SPHKAP: variants seen among roughly 807,000 people sequenced by gnomAD.
The protein encoded by SPHKAP is SPHK1 interactor, AKAP domain containing, also known as A-kinase anchor protein SPHKAP.
A neutral mutation model predicts 137.5 loss-of-function variants in SPHKAP; 67 were observed. The observed-to-expected ratio is 0.49, with a 90% CI of 0.40 to 0.60. SPHKAP has a LOEUF of 0.60. Among genes scored for constraint, SPHKAP ranks in the 20% least tolerant of loss-of-function variants. The probability of loss-of-function intolerance (pLI) is 0.00; values close to 1 mark genes in which losing one functional copy is unlikely to be tolerated. For synonymous variants in SPHKAP, 813 were observed against 785.3 expected (o/e 1.04, Z -0.59); for missense variants, 2,097 against 2,069.3 (o/e 1.01, Z -0.26).
At chr2:228,015,405 A>T (rs542828669) in intron 7 of SPHKAP, among the ~76,000 whole-genome samples, 4 of 151,988 alleles carry the variant, frequency 2.6e-5, no homozygotes, top group Non-Finnish European at 5.9e-5. Flanking sequence ...TCTTTATAGC[A>T]GCATGATTTA....
chr2:227,986,945 G>A (rs1156852607), intron 11 of SPHKAP, among the ~76,000 whole-genome samples: 1 of 152,144 alleles, frequency 6.6e-6, no homozygotes, highest in Non-Finnish European at 1.5e-5. Context: ...ATTGGCCTTG[G>A]ATTAATTACA....
intron 1 of SPHKAP, among the ~76,000 whole-genome samples, chr2:228,153,128 T>C (rs896013380): frequency 4.6e-5 from 7 of 152,108 alleles, no homozygotes; most frequent in African/African-American, 9.7e-5. Context: ...GAACTGTGAG[T>C]CAATTAAACC....
chr2:228,096,658 G>C (rs1430923331), intron 3 of SPHKAP, among the ~76,000 whole-genome samples: 1 of 146,484 alleles, frequency 6.8e-6, no homozygotes, highest in South Asian at 2.1e-4. Context: ...GTGTGTGTGT[G>C]TGTGTGTGTC....
At chr2:228,135,122 A>G (rs556699605) in intron 1 of SPHKAP, among the ~76,000 whole-genome samples, 6 of 152,158 alleles carry the variant, frequency 3.9e-5, no homozygotes, top group Non-Finnish European at 7.4e-5. Flanking sequence ...TAAAAATACA[A>G]AATTAGCCGG....
chr2:228,092,323 GTACACACACACGTGTATGTGTGTGTATA>G (rs1697797910), intron 3 of SPHKAP, among the ~76,000 whole-genome samples: 1 of 102,234 alleles, frequency 9.8e-6, no homozygotes, highest in Admixed American at 1.1e-4. Flanking sequence ...GTGTGTATAC[GTACACACACACGTGTATGTGTGTGTATA>G]CATATATACA....
chr2:228,025,314 ATC>A (rs1308490150), intron 5 of SPHKAP, 78 bp downstream of exon 5: 1 of 1,368,180 alleles, frequency 7.3e-7, no homozygotes, highest in South Asian at 1.6e-5. Context: ...TATGTGTAGC[ATC>A]TGTTTGGGGT....
At chr2:228,092,273 A>G (rs1003711960) in intron 3 of SPHKAP, among the ~76,000 whole-genome samples, 2 of 143,836 alleles carry the variant, frequency 1.4e-5, no homozygotes, top group African/African-American at 5.2e-5. Flanking sequence ...GTACACACAC[A>G]CGTGTATGTG....
chr2:228,014,510 G>A (rs1048068692), intron 7 of SPHKAP, among the ~76,000 whole-genome samples: 1 of 152,134 alleles, frequency 6.6e-6, no homozygotes, highest in Non-Finnish European at 1.5e-5. Flanking sequence ...TTAGCTTTGT[G>A]TTCTTTTGCT....
Position 228,018,895 on chromosome 2 carries a change from C to T in SPHKAP, c.1959G>A (p.Lys653=), listed in dbSNP as rs1326276407. 2.5e-6 allele frequency: 4 copies of T among 1,614,062 alleles called. No individual in the cohort carries two copies. The highest frequency in any genetic ancestry group is 3.4e-6 in the Non-Finnish European group (4 of 1,180,030). The change falls in exon 7 of 12, where the codon AAG becomes AAA. Residue 653 remains lysine (K), a synonymous_variant. Transcript: ENST00000392056. ...CATTTTCTGAGCACAGGGTCTGAGA[C>T]TTTGAAGCAGTTTCCATGATTCTCC... The part of the protein sequence containing the change: ...MNRRIMETAS[K]SQTLCSENVV...
At chr2:228,080,510 C>A (rs1175489772) in intron 3 of SPHKAP, among the ~76,000 whole-genome samples, 5 of 152,028 alleles carry the variant, frequency 3.3e-5, no homozygotes, top group African/African-American at 1.2e-4. Flanking sequence ...TGTTTGAGAC[C>A]AGCCTGGCCA....
At chr2:228,023,821 T>G (rs1280215473) in intron 5 of SPHKAP, among the ~76,000 whole-genome samples, 1 of 152,210 alleles carries the variant, frequency 6.6e-6, no homozygotes, top group African/African-American at 2.4e-5. Flanking sequence ...GGTGATCATG[T>G]GACTTAAGCC....
At chr2:228,046,462 T>A (rs1367145200) in intron 3 of SPHKAP, among the ~76,000 whole-genome samples, 2 of 152,050 alleles carry the variant, frequency 1.3e-5, no homozygotes, top group African/African-American at 4.8e-5. Flanking sequence ...GGGTGCTAAG[T>A]TGTGGTGAAT....
chr2:228,131,928 A>G, intron 2 of SPHKAP, 52 bp downstream of exon 2: 1 of 1,576,226 alleles, frequency 6.3e-7, no homozygotes, highest in Non-Finnish European at 8.7e-7. Context: ...TTCGAATTAA[A>G]TGAATATTCA....
chr2:228,063,202 A>G (rs868098873), intron 3 of SPHKAP, among the ~76,000 whole-genome samples: 62 of 126,910 alleles, frequency 4.9e-4, no homozygotes, highest in East Asian at 2.1e-3. Context: ...CTGTCTATCT[A>G]TCTATCTATT....
chr2:228,025,582 C>T, intron 4 of SPHKAP, 54 bp from the exon 5 acceptor site: 3 of 1,595,672 alleles, frequency 1.9e-6, no homozygotes, highest in Non-Finnish European at 2.6e-6. Context: ...CCAAATACTA[C>T]TCACAAACTA....
intron 3 of SPHKAP, among the ~76,000 whole-genome samples, chr2:228,086,400 C>T (rs1252328787): frequency 6.6e-6 from 1 of 152,148 alleles, no homozygotes; most frequent in Non-Finnish European, 1.5e-5. Flanking sequence ...TCTCTCCCCT[C>T]AGCTCCCAAC....
chr2:228,050,674 G>A (rs545298073), intron 3 of SPHKAP, among the ~76,000 whole-genome samples: 30 of 152,288 alleles, frequency 2.0e-4, no homozygotes, highest in Admixed American at 1.2e-3. Flanking sequence ...ATTTTGAAGT[G>A]TAGAATTGAT....
chr2:228,083,650 A>G (rs112775099), intron 3 of SPHKAP, among the ~76,000 whole-genome samples: 7,752 of 152,252 alleles, frequency 0.051, 233 homozygotes, highest in South Asian at 0.08. Flanking sequence ...TTATTGCAGC[A>G]CTATTCACAA....
intron 3 of SPHKAP, among the ~76,000 whole-genome samples, chr2:228,081,422 G>C (rs1235593053): frequency 6.6e-6 from 1 of 152,140 alleles, no homozygotes; most frequent in East Asian, 1.9e-4. Context: ...AACTGATAGA[G>C]ATCTGTTTCA....
Sources: allele counts gnomAD v4.1 joint callset (sites outside exome capture counted in the v4.1 genomes callset), GRCh38; gene constraint gnomAD v4.1.1; transcripts MANE v1.5; gene names NCBI Gene and HGNC (gene_info 2026-07-23, HGNC 2026-07-21).